Variants in INTS4 observed in about 807,000 individuals in gnomAD.
INTS4 encodes integrator complex subunit 4, also known as MSTP093.
In INTS4, 70 loss-of-function variants were observed where a neutral mutation model predicts 119.5. That is an observed-to-expected ratio of 0.59 (90% confidence interval 0.48 to 0.71). The LOEUF (loss-of-function observed/expected upper bound fraction) is 0.71, where lower values mean the gene tolerates loss of function less well. Among genes scored for constraint, INTS4 ranks in the 30% least tolerant of loss-of-function variants. The probability of loss-of-function intolerance (pLI) is 0.00; values close to 1 mark genes in which losing one functional copy is unlikely to be tolerated. For missense variants in INTS4, 867 were observed against 1,173.2 expected, an observed-to-expected ratio of 0.74 and a Z score of 3.81; for synonymous variants, 316 against 419.6, an observed-to-expected ratio of 0.75 and a Z score of 3.02.
chr11:77,874,793 T>C (rs894717288), downstream of INTS4, among the ~76,000 whole-genome samples: 1 of 152,080 alleles, frequency 6.6e-6, no homozygotes, highest in African/African-American at 2.4e-5. Flanking sequence ...TCCCAGCGCT[T>C]TGGGAGGCCG....
chr11:77,977,806 T>G (rs528621766), intron 4 of INTS4: 2 of 151,824 alleles, frequency 1.3e-5, no homozygotes, highest in African/African-American at 4.8e-5. Flanking sequence ...TTCACAGATA[T>G]ATATTTCCTC....
intron 3 of INTS4, 37 bp from the exon 4 acceptor site, chr11:77,979,139 C>G: frequency 8.3e-7 from 1 of 1,203,460 alleles, no homozygotes; most frequent in Non-Finnish European, 1.2e-6. Context: ...TGTAGAATTT[C>G]GAAAGGGGTA....
At chr11:77,887,380 G>A (rs1043110306) in intron 21 of INTS4, among the ~76,000 whole-genome samples, 2 of 152,140 alleles carry the variant, frequency 1.3e-5, no homozygotes, top group African/African-American at 2.4e-5. Flanking sequence ...CAACCTTCAT[G>A]CTAAAAACTC....
intron 10 of INTS4, among the ~76,000 whole-genome samples, chr11:77,931,315 C>G (rs1202246566): frequency 6.6e-6 from 1 of 152,196 alleles, no homozygotes; most frequent in Non-Finnish European, 1.5e-5. Flanking sequence ...CTAGAGTGAA[C>G]AGCCAGTGAA....
At chr11:77,900,340 C>T (rs1459429106) in intron 18 of INTS4, among the ~76,000 whole-genome samples, 2 of 151,808 alleles carry the variant, frequency 1.3e-5, no homozygotes, top group Non-Finnish European at 3.0e-5. Flanking sequence ...ACCTCGTGAT[C>T]TGCCCACCTT....
chr11:77,954,452 G>A (rs1954270227), intron 8 of INTS4, among the ~76,000 whole-genome samples: 1 of 152,086 alleles, frequency 6.6e-6, no homozygotes, highest in Non-Finnish European at 1.5e-5. Flanking sequence ...GCCCCAACTG[G>A]ATAATGGCAT....
In INTS4 at chr11:77,994,610, C is replaced by T; in HGVS notation, c.34G>A (p.Glu12Lys). Residue 12 changes from glutamate to lysine, a missense_variant, in exon 1 of 23, where the codon GAA becomes AAA. Around this residue, in one of 5 missense-constraint regions of INTS4, gnomAD observed 224 missense variants for 231.8 expected, o/e 0.97. Coordinates refer to ENST00000534064, the MANE Select transcript of INTS4 (RefSeq NM_033547.4). ...CTTACCTGAACCACTTTCGTGAATT[C>T]CTCATAAACCCGCTTCTTAAGGTGC... ...AAHLKKRVYE[E>K]FTKVVQPQEE... The T allele has an allele frequency of 6.2e-7, 1 of 1,614,044 alleles. No homozygotes were observed. The highest frequency in any genetic ancestry group is 8.5e-7 in the Non-Finnish European group (1 of 1,179,884).
At chr11:77,990,746 T>C (rs577530389) in intron 2 of INTS4, among the ~76,000 whole-genome samples, 7 of 150,556 alleles carry the variant, frequency 4.6e-5, no homozygotes, top group Admixed American at 1.3e-4. Context: ...CAATTAGATA[T>C]GAGGGCCATG....
At chr11:77,901,390 G>A (rs1177829541) in intron 18 of INTS4, 31 bp downstream of exon 18, 3 of 1,611,844 alleles carry the variant, frequency 1.9e-6, no homozygotes, top group Admixed American at 3.3e-5. Context: ...AAAGGAACAT[G>A]CCACATATTT....
chr11:77,963,076 T>C (rs955874845), intron 4 of INTS4, among the ~76,000 whole-genome samples: 1 of 152,092 alleles, frequency 6.6e-6, no homozygotes, highest in Admixed American at 6.5e-5. Context: ...TATAAAAACA[T>C]CATTTCTCAT....
chr11:77,989,212 G>T (rs1383263029), intron 2 of INTS4, among the ~76,000 whole-genome samples: 2 of 152,088 alleles, frequency 1.3e-5, no homozygotes. Flanking sequence ...ACAAGGCTGG[G>T]CGCGGTGGCT....
chr11:77,879,541 C>A (rs769996194), intron 22 of INTS4, among the ~76,000 whole-genome samples: 2 of 152,182 alleles, frequency 1.3e-5, no homozygotes, highest in Non-Finnish European at 2.9e-5. Context: ...GCTGCATGTA[C>A]CACAGACTAC....
At chr11:77,980,031 T>C (rs1164618094) in intron 3 of INTS4, among the ~76,000 whole-genome samples, 1 of 151,208 alleles carries the variant, frequency 6.6e-6, no homozygotes, top group Admixed American at 6.6e-5. Context: ...TCCATTGCCT[T>C]CAAGATAAAG....
At chr11:77,980,079 A>T (rs1003746231) in intron 3 of INTS4, among the ~76,000 whole-genome samples, 2 of 151,604 alleles carry the variant, frequency 1.3e-5, no homozygotes, top group African/African-American at 4.8e-5. Context: ...CATACATACC[A>T]GGCCTTCCAT....
rs1565276458 is a variant in INTS4 at position 77,963,368 on chromosome 11, AAAAAAAC to A, written c.472-2237_472-2231del. On this transcript the variant is annotated intron_variant, in intron 4 of 22. Coordinates refer to ENST00000534064, the MANE Select transcript of INTS4 (RefSeq NM_033547.4). Reference sequence around the variant, plus strand: ...ACTCCGTCTCAAAAAAAAAAAAAAAAAAAAAACAAAAAAAACTGCTTTTCTTTATACT... The same window carrying A: ...ACTCCGTCTCAAAAAAAAAAAAAAAAAAAAAAAACTGCTTTTCTTTATACT... 1.7e-3 allele frequency: 640 copies of A among 373,322 alleles called. 3 individuals carry two copies. The highest frequency in any genetic ancestry group is 1.9e-3 in the South Asian group (102 of 52,406). The allele number at this position is 373,322 out of a possible 1,614,324, so 23.1% of individuals were successfully genotyped here.
At chr11:77,935,634 G>A (rs1401242352) in intron 10 of INTS4, among the ~76,000 whole-genome samples, 2 of 152,018 alleles carry the variant, frequency 1.3e-5, no homozygotes, top group Non-Finnish European at 2.9e-5. Flanking sequence ...GGTGGCTTAC[G>A]TCTGTCATCC....
At chr11:77,934,019 T>C (rs1347238748) in intron 10 of INTS4, among the ~76,000 whole-genome samples, 1 of 142,402 alleles carries the variant, frequency 7.0e-6, no homozygotes, top group African/African-American at 2.6e-5. Flanking sequence ...GGAAGTGGAC[T>C]TAGGAGACTC....
chr11:77,940,699 C>T (rs989489679), intron 9 of INTS4, among the ~76,000 whole-genome samples: 2 of 151,966 alleles, frequency 1.3e-5, no homozygotes, highest in Non-Finnish European at 2.9e-5. Flanking sequence ...TGCAGTGGTG[C>T]GATCTCGGCT....
chr11:77,913,638 C>T (rs960654230), intron 15 of INTS4, among the ~76,000 whole-genome samples: 1 of 152,094 alleles, frequency 6.6e-6, no homozygotes, highest in African/African-American at 2.4e-5. Flanking sequence ...AAGCAAACAT[C>T]CATAAATGTC....
Sources: allele counts gnomAD v4.1 joint callset (sites outside exome capture counted in the v4.1 genomes callset), GRCh38; gene constraint gnomAD v4.1.1; regional missense constraint gnomAD v4.1.1; transcripts MANE v1.5; gene names NCBI Gene and HGNC (gene_info 2026-07-23, HGNC 2026-07-21).